Variants in NBEA observed in about 807,000 individuals in gnomAD.
The protein encoded by NBEA is lysosomal-trafficking regulator 2.
NBEA carries 44 observed loss-of-function variants against 343.4 expected under a neutral mutation model. The ratio of observed to expected loss-of-function variants is 0.13; its 90% CI spans 0.10 to 0.16. NBEA has a LOEUF of 0.16. Ranked by LOEUF, NBEA falls within the 10% of genes least tolerant of loss-of-function variation. The pLI, the probability that NBEA is intolerant of heterozygous loss-of-function variation, is 1.00. For missense variants in NBEA, 2,555 were observed against 3,631.3 expected (o/e 0.70, Z 7.62); for synonymous variants, 1,175 against 1,238.7 (o/e 0.95, Z 1.08).
intron 44 of NBEA, among the ~76,000 whole-genome samples, chr13:35,562,517 G>C (rs2079905217): frequency 6.6e-6 from 1 of 151,920 alleles, no homozygotes; most frequent in African/African-American, 2.4e-5. Flanking sequence ...CATATGATCA[G>C]CTAATGAATT....
chr13:35,569,485 A>C (rs1472084931), intron 45 of NBEA, among the ~76,000 whole-genome samples: 1 of 152,206 alleles, frequency 6.6e-6, no homozygotes, highest in East Asian at 1.9e-4. Flanking sequence ...AGTTCTTTTT[A>C]TTTAAAATCA....
chr13:35,134,713 G>C (rs1051378967), intron 17 of NBEA, among the ~76,000 whole-genome samples: 2 of 151,908 alleles, frequency 1.3e-5, no homozygotes, highest in African/African-American at 2.4e-5. Flanking sequence ...AAAGTAGGAA[G>C]TACAAATTAG....
At position 34,966,003 on chromosome 13, in the gene NBEA, G is replaced by T. The variant is rs1037323557; in HGVS notation, c.294+22889G>T. Among the ~76,000 whole-genome samples the T allele has an allele frequency of 3.3e-5, 5 of 151,972 alleles. 1 individual carries two copies. Among genetic ancestry groups the T allele is most frequent in the South Asian group, 2.1e-4 (1 of 4,828 alleles). On this transcript the variant is annotated intron_variant, in intron 1 of 58. Coordinates refer to ENST00000379939, the MANE Select transcript of NBEA (RefSeq NM_001385012.1). ...GAGAAGAAACACTATTACATTAAAG[G>T]TATACATCAATTATGAGTTACATGT... is the stretch of plus-strand genomic sequence containing the variant.
intron 1 of NBEA, among the ~76,000 whole-genome samples, chr13:34,957,714 T>A (rs2059541725): frequency 6.6e-6 from 1 of 152,180 alleles, no homozygotes; most frequent in African/African-American, 2.4e-5. Flanking sequence ...ATATAACATA[T>A]AACTTCTGAA....
chr13:34,985,303 G>T lies in NBEA; in HGVS notation c.294+42189G>T, dbSNP rs558923561. Among the ~76,000 whole-genome samples the T allele has an allele frequency of 6.0e-5, 9 of 151,048 alleles. 1 individual carries two copies. Among genetic ancestry groups the T allele is most frequent in the African/African-American group, 2.2e-4 (9 of 41,442 alleles). On this transcript the variant is annotated intron_variant, in intron 1 of 58. Transcript: ENST00000379939. ...CTACGTCTGTTGAGATAATCATGTG[G>T]TTTTTGTCGTTGGTTCTGTTTATGT...
At chr13:35,160,192 G>A (rs10492724) in intron 22 of NBEA, among the ~76,000 whole-genome samples, 160 bp downstream of exon 22, 16,686 of 152,086 alleles carry the variant, frequency 0.11, 1,123 homozygotes, top group African/African-American at 0.18. Context: ...TTTCATGTAT[G>A]TAAGAAACTA....
At chr13:35,163,539 G>T (rs2069738184) in intron 23 of NBEA, among the ~76,000 whole-genome samples, 1 of 151,184 alleles carries the variant, frequency 6.6e-6, no homozygotes, top group African/African-American at 2.4e-5. Context: ...AATCTCCTGG[G>T]CCCAGGGAGG....
At chr13:35,344,870 CAG>C (rs1384942278) in intron 36 of NBEA, among the ~76,000 whole-genome samples, 1 of 152,042 alleles carries the variant, frequency 6.6e-6, no homozygotes, top group Non-Finnish European at 1.5e-5. Context: ...AGATCAGAAA[CAG>C]GGAATGTTCC....
At chr13:35,654,815 T>C (rs2084733958) in intron 53 of NBEA, 40 bp from the exon 54 acceptor site, 1 of 1,530,098 alleles carries the variant, frequency 6.5e-7, no homozygotes, top group Non-Finnish European at 8.7e-7. Context: ...AAAACTCATA[T>C]GGAATCTTTC....
rs1308365515 is a variant in NBEA, at chr13:35,645,873, C to T, written c.7622C>T (p.Pro2541Leu). 1 of 1,565,330 alleles carries T rather than the reference C, an allele frequency of 6.4e-7. No homozygotes were observed. Among genetic ancestry groups the T allele is most frequent in the Non-Finnish European group, 8.7e-7 (1 of 1,149,252 alleles). Reference sequence around the variant, plus strand: ...TTCTTTTTTTTCCCCATTAAGATTCCAGAAGCTTATTTCATTAGAGACCCC... The same window carrying T: ...TTCTTTTTTTTCCCCATTAAGATTCTAGAAGCTTATTTCATTAGAGACCCC... ...SITDPVLREI[P>L]EAYFIRDPHT... The change falls in exon 50 of 59, where the codon CCA becomes CTA. Residue 2541 changes from proline (P) to leucine (L), a missense_variant. By Grantham distance (98) the Pro-to-Leu change is moderately conservative. This residue lies in a region of NBEA where 87 missense variants were observed against 75.0 expected (regional missense o/e 1.16). Transcript: ENST00000379939.
chr13:35,156,034 A>G (rs758575546), intron 19 of NBEA, 49 bp from the exon 20 acceptor site: 5 of 1,542,454 alleles, frequency 3.2e-6, no homozygotes, highest in Non-Finnish European at 2.6e-6. Context: ...TTTTGAGTTG[A>G]ACATAGGATA....
chr13:35,597,101 A>G (rs145664931), intron 47 of NBEA, among the ~76,000 whole-genome samples: 1 of 152,316 alleles, frequency 6.6e-6, no homozygotes, highest in African/African-American at 2.4e-5. Flanking sequence ...GTGGTCTTCT[A>G]TCATTCTAAG....
chr13:35,024,897 T>G, intron 1 of NBEA, among the ~76,000 whole-genome samples: 1 of 152,162 alleles, frequency 6.6e-6, no homozygotes, highest in Non-Finnish European at 1.5e-5. Flanking sequence ...CTTACCTCAT[T>G]GTGATTTTGA....
chr13:35,367,848 G>A (rs903694947), intron 38 of NBEA, among the ~76,000 whole-genome samples: 10 of 151,446 alleles, frequency 6.6e-5, no homozygotes, highest in Admixed American at 6.6e-4. Flanking sequence ...AACTGAATAA[G>A]CTAAGTGTTC....
chr13:35,201,248 G>A (rs896586767), intron 31 of NBEA, among the ~76,000 whole-genome samples: 1 of 151,970 alleles, frequency 6.6e-6, no homozygotes, highest in Non-Finnish European at 1.5e-5. Flanking sequence ...TTGACTTTGT[G>A]TCTCCTGGCA....
intron 17 of NBEA, among the ~76,000 whole-genome samples, chr13:35,138,574 C>G (rs1184906609): frequency 1.3e-5 from 2 of 151,812 alleles, no homozygotes; most frequent in Non-Finnish European, 2.9e-5. Context: ...ATTCTCCTGC[C>G]TTGGCCTCCA....
intron 49 of NBEA, among the ~76,000 whole-genome samples, chr13:35,631,640 A>G (rs922198385): frequency 1.5e-5 from 1 of 64,998 alleles, no homozygotes; most frequent in Non-Finnish European, 3.7e-5. Flanking sequence ...CTCCTTTGTA[A>G]AAAAAAAAAA....
chr13:35,343,805 TCA>T (rs1302929412), intron 36 of NBEA, among the ~76,000 whole-genome samples: 2 of 152,108 alleles, frequency 1.3e-5, no homozygotes, highest in Admixed American at 1.3e-4. Flanking sequence ...GAACATTTAG[TCA>T]CAGGAAAACA....
At chr13:35,392,898 C>G (rs535452538) in intron 38 of NBEA, among the ~76,000 whole-genome samples, 1 of 152,260 alleles carries the variant, frequency 6.6e-6, no homozygotes, top group African/African-American at 2.4e-5. Flanking sequence ...AAAGGAAGGT[C>G]CAAATAGGAC....
Sources: gnomAD v4.1 joint callset for allele counts (sites outside exome capture counted in the v4.1 genomes callset) on GRCh38, gnomAD v4.1.1 for gene constraint, gnomAD v4.1.1 regional missense constraint, MANE v1.5 for transcripts, NCBI Gene and HGNC (gene_info 2026-07-23, HGNC 2026-07-21) for gene names.